The following PRKG1 variants were observed in gnomAD, a reference collection of about 807,000 sequenced individuals.
PRKG1 encodes the protein cGMP-dependent protein kinase 1.
Under a neutral mutation model 88.1 loss-of-function variants are expected in PRKG1, and 35 were observed. That is an observed-to-expected ratio of 0.40 (90% CI 0.30 to 0.53). The LOEUF (loss-of-function observed/expected upper bound fraction) is 0.53, where lower values mean the gene tolerates loss of function less well. Ranked by LOEUF, PRKG1 falls within the 20% of genes least tolerant of loss-of-function variation. The probability of loss-of-function intolerance (pLI) is 0.59; values close to 1 mark genes in which losing one functional copy is unlikely to be tolerated. For synonymous variants in PRKG1, 303 were observed against 292.5 expected (o/e 1.04, Z -0.37); for missense variants, 540 against 839.8 (o/e 0.64, Z 4.41).
At chr10:52,198,024 T>A (rs1839553061) in intron 9 of PRKG1, among the ~76,000 whole-genome samples, 1 of 152,172 alleles carries the variant, frequency 6.6e-6, no homozygotes, top group South Asian at 2.1e-4. Flanking sequence ...ATTTCATTAC[T>A]CATGGCAGTT....
intron 5 of PRKG1, among the ~76,000 whole-genome samples, chr10:52,014,767 T>G (rs1844992477): frequency 1.3e-5 from 2 of 152,198 alleles, no homozygotes; most frequent in South Asian, 4.1e-4. Context: ...CTGTTCCAAA[T>G]GGGAGAAATT....
chr10:51,086,783 G>C (rs1420040739), intron 1 of PRKG1, among the ~76,000 whole-genome samples: 2 of 152,156 alleles, frequency 1.3e-5, no homozygotes, highest in Non-Finnish European at 1.5e-5. Context: ...CTTCTCGAGT[G>C]ACCCTTTCTC....
intron 7 of PRKG1, among the ~76,000 whole-genome samples, chr10:52,071,823 C>T (rs1287742201): frequency 3.9e-5 from 6 of 152,130 alleles, no homozygotes; most frequent in Admixed American, 1.3e-4. Flanking sequence ...TGCAAAGATA[C>T]GTTTTAGCTT....
At chr10:51,626,672 T>C (rs1839344965) in intron 3 of PRKG1, among the ~76,000 whole-genome samples, 1 of 152,192 alleles carries the variant, frequency 6.6e-6, no homozygotes. Context: ...AGCATTCTTT[T>C]GTTTTTCTGC....
intron 3 of PRKG1, among the ~76,000 whole-genome samples, chr10:51,738,686 C>T (rs1402146266): frequency 1.3e-5 from 2 of 152,292 alleles, no homozygotes; most frequent in African/African-American, 2.4e-5. Context: ...TCACCACAAT[C>T]TGTGTCCCTT....
chr10:51,165,539 A>G (rs529064962), intron 2 of PRKG1, among the ~76,000 whole-genome samples: 3 of 152,302 alleles, frequency 2.0e-5, no homozygotes, highest in Non-Finnish European at 2.9e-5. Context: ...AAATTCACAC[A>G]TAACAATATT....
intron 3 of PRKG1, among the ~76,000 whole-genome samples, chr10:51,771,663 T>C (rs895732705): frequency 3.3e-5 from 5 of 152,196 alleles, no homozygotes; most frequent in Non-Finnish European, 7.3e-5. Flanking sequence ...TATGCAAGTA[T>C]TGAATTTCAC....
At chr10:51,859,387 A>G (rs7096733) in intron 4 of PRKG1, among the ~76,000 whole-genome samples, 57,777 of 149,670 alleles carry the variant, frequency 0.39, 11,429 homozygotes, top group East Asian at 0.54. Context: ...AGAGAGTAAG[A>G]GATCTTTATG....
intron 1 of PRKG1, among the ~76,000 whole-genome samples, chr10:51,058,626 C>A (rs1440826653): frequency 6.6e-6 from 1 of 152,146 alleles, no homozygotes; most frequent in African/African-American, 2.4e-5. Context: ...ACTTTGATGT[C>A]TTTTGGTCGA....
chr10:51,032,929 T>A (rs1843303676), intron 1 of PRKG1, among the ~76,000 whole-genome samples: 1 of 152,150 alleles, frequency 6.6e-6, no homozygotes, highest in Admixed American at 6.6e-5. Flanking sequence ...GATACAGGTA[T>A]GCAATGTGAA....
chr10:51,951,888 T>A (rs1379880974), intron 5 of PRKG1, among the ~76,000 whole-genome samples: 2 of 152,194 alleles, frequency 1.3e-5, no homozygotes, highest in African/African-American at 4.8e-5. Flanking sequence ...AGTTTTACAT[T>A]TTTTACTGTT....
intron 1 of PRKG1, among the ~76,000 whole-genome samples, chr10:51,083,802 T>A (rs950847252): frequency 1.3e-5 from 2 of 152,132 alleles, no homozygotes; most frequent in Non-Finnish European, 2.9e-5. Flanking sequence ...CTGCCCCTAT[T>A]GCCAGCTCTG....
At chr10:51,616,526 G>C (rs1839060874) in intron 3 of PRKG1, among the ~76,000 whole-genome samples, 1 of 152,092 alleles carries the variant, frequency 6.6e-6, no homozygotes, top group Non-Finnish European at 1.5e-5. Flanking sequence ...CAGCAGGGTG[G>C]GTAGGCTCAA....
intron 1 of PRKG1, among the ~76,000 whole-genome samples, chr10:51,019,848 G>T (rs538795056): frequency 7.4e-4 from 112 of 151,676 alleles, no homozygotes; most frequent in Middle Eastern, 3.4e-3. Context: ...GAAATGAATA[G>T]AAATTTTTTT....
At chr10:52,102,454 T>A (rs930674834) in intron 7 of PRKG1, among the ~76,000 whole-genome samples, 43 of 152,034 alleles carry the variant, frequency 2.8e-4, no homozygotes, top group African/African-American at 1.0e-3. Flanking sequence ...GTCATCCTTA[T>A]AGAAAAATCT....
At chr10:51,823,261 C>G (rs996473429) in intron 4 of PRKG1, among the ~76,000 whole-genome samples, 1 of 152,060 alleles carries the variant, frequency 6.6e-6, no homozygotes, top group African/African-American at 2.4e-5. Context: ...ATATGCTAGA[C>G]TTTAATAAAA....
chr10:51,233,395 T>C (rs141863847), intron 2 of PRKG1, among the ~76,000 whole-genome samples: 7 of 152,152 alleles, frequency 4.6e-5, no homozygotes, highest in Non-Finnish European at 7.4e-5. Flanking sequence ...CAATATGAGA[T>C]TGTTCTAAGG....
At chr10:52,086,945 G>A (rs1000928389) in intron 7 of PRKG1, among the ~76,000 whole-genome samples, 3 of 152,092 alleles carry the variant, frequency 2.0e-5, no homozygotes, top group Non-Finnish European at 4.4e-5. Context: ...GAGTAAAAGG[G>A]AGAAAAGCCC....
intron 3 of PRKG1, among the ~76,000 whole-genome samples, chr10:51,586,026 T>C (rs1008986907): frequency 1.3e-5 from 2 of 152,264 alleles, no homozygotes; most frequent in Admixed American, 1.3e-4. Context: ...TGTTGGGTAC[T>C]ATGCTCACTA....
Sources: allele counts gnomAD v4.1 joint callset (sites outside exome capture counted in the v4.1 genomes callset), GRCh38; gene constraint gnomAD v4.1.1; transcripts MANE v1.5; gene names NCBI Gene and HGNC (gene_info 2026-07-23, HGNC 2026-07-21).